Variants in SLC35F3 observed in about 807,000 individuals in gnomAD.
The protein encoded by SLC35F3 is putative thiamine transporter SLC35F3.
SLC35F3 carries 25 observed loss-of-function variants against 49.9 expected under a neutral mutation model. The observed-to-expected ratio is 0.50, with a 90% CI of 0.37 to 0.70. SLC35F3 has a LOEUF of 0.70. SLC35F3 is among the 30% of genes least tolerant of loss of function. The pLI is 0.00. For missense variants in SLC35F3, 525 were observed against 639.8 expected (o/e 0.82, Z 1.94); for synonymous variants, 275 against 265.4 (o/e 1.04, Z -0.35).
intron 2 of SLC35F3, among the ~76,000 whole-genome samples, chr1:233,983,109 T>C (rs1663212148): frequency 6.6e-6 from 1 of 152,192 alleles, no homozygotes; most frequent in Non-Finnish European, 1.5e-5. Flanking sequence ...GATAAGAAAG[T>C]GCACCAAGAA....
chr1:234,199,770 T>A (rs1666873525), intron 2 of SLC35F3, among the ~76,000 whole-genome samples: 1 of 150,696 alleles, frequency 6.6e-6, no homozygotes, highest in South Asian at 2.1e-4. Context: ...TACAAAAAAA[T>A]AAGTAACTCA....
chr1:234,309,497 A>G (rs1386436019), intron 4 of SLC35F3, among the ~76,000 whole-genome samples, 177 bp downstream of exon 4: 1 of 152,208 alleles, frequency 6.6e-6, no homozygotes, highest in African/African-American at 2.4e-5. Context: ...TGCCTTGCCA[A>G]CCTTCTTGCT....
chr1:234,234,894 G>T (rs1401376091), intron 3 of SLC35F3, among the ~76,000 whole-genome samples: 3 of 152,208 alleles, frequency 2.0e-5, no homozygotes, highest in Non-Finnish European at 4.4e-5. Context: ...ACTGTAACAT[G>T]CTGTGTAAAC....
At chr1:234,156,982 G>A (rs991611317) in intron 2 of SLC35F3, among the ~76,000 whole-genome samples, 6 of 152,084 alleles carry the variant, frequency 3.9e-5, no homozygotes, top group African/African-American at 1.4e-4. Flanking sequence ...GAGAGTGAAT[G>A]CTAACGGGTA....
intron 2 of SLC35F3, among the ~76,000 whole-genome samples, chr1:233,958,451 G>A (rs1202421460): frequency 6.6e-6 from 1 of 152,194 alleles, no homozygotes; most frequent in African/African-American, 2.4e-5. Flanking sequence ...GAATGAATGA[G>A]CTTATTTATA....
intron 3 of SLC35F3, among the ~76,000 whole-genome samples, chr1:234,242,060 C>G (rs1169772352): frequency 6.6e-6 from 1 of 152,232 alleles, no homozygotes; most frequent in Non-Finnish European, 1.5e-5. Flanking sequence ...TCCACATAAG[C>G]TTTGCTTGGC....
intron 2 of SLC35F3, among the ~76,000 whole-genome samples, chr1:234,029,986 A>G (rs1664035204): frequency 6.6e-6 from 1 of 152,184 alleles, no homozygotes; most frequent in Non-Finnish European, 1.5e-5. Flanking sequence ...GGCCAAAGAG[A>G]CGTTAGGTTC....
intron 2 of SLC35F3, among the ~76,000 whole-genome samples, chr1:233,948,228 GGAGAGAGAGAGAGAGA>G (rs150190453): frequency 3.7e-5 from 4 of 107,620 alleles, no homozygotes; most frequent in African/African-American, 1.5e-4. Flanking sequence ...AGGGAGAGAG[GGAGAGAGAGAGAGAGA>G]GAGAGAGAGA....
In SLC35F3 at chr1:234,100,511, T is replaced by C. The variant is rs189125561; in HGVS notation, c.284-130906T>C. Among the ~76,000 whole-genome samples the C allele has an allele frequency of 1.7e-3, 261 of 152,350 alleles. 1 individual carries two copies. The highest frequency in any genetic ancestry group is 3.1e-3 in the Non-Finnish European group (209 of 68,030). On this transcript the variant is annotated intron_variant, in intron 2 of 7. Transcript: ENST00000366618. ...AATCAAAAAAGTGTGATGAGCATTCTCCCTTAGAATTCCTGGGAGATTTTG... is the reference window on the plus strand; with the variant it reads ...AATCAAAAAAGTGTGATGAGCATTCCCCCTTAGAATTCCTGGGAGATTTTG...
intron 2 of SLC35F3, among the ~76,000 whole-genome samples, chr1:234,206,841 T>C (rs562060871): frequency 2.0e-5 from 3 of 152,228 alleles, no homozygotes; most frequent in South Asian, 4.1e-4. Context: ...GAGGACCTCA[T>C]TGAACAAGAC....
At chr1:234,247,814 C>CAGTTGGCTGGTCCATTGTTTG (rs1558272687) in intron 3 of SLC35F3, among the ~76,000 whole-genome samples, 1 of 129,154 alleles carries the variant, frequency 7.7e-6, no homozygotes, top group Admixed American at 7.6e-5. Flanking sequence ...TCCATTGTTT[C>CAGTTGGCTGGTCCATTGTTTG]ATGGGTCAGT....
At chr1:234,014,790 G>A (rs773285726) in intron 2 of SLC35F3, among the ~76,000 whole-genome samples, 19 of 152,042 alleles carry the variant, frequency 1.2e-4, no homozygotes, top group Non-Finnish European at 2.2e-4. Context: ...AGATCTGTAC[G>A]TTGAAAACTA....
intron 2 of SLC35F3, among the ~76,000 whole-genome samples, chr1:234,188,465 A>G (rs2102927544): frequency 6.6e-6 from 1 of 152,172 alleles, no homozygotes; most frequent in South Asian, 2.1e-4. Context: ...GACACAGCAC[A>G]GGCAGCCATA....
At chr1:234,136,987 G>A (rs1665821650) in intron 2 of SLC35F3, among the ~76,000 whole-genome samples, 2 of 152,182 alleles carry the variant, frequency 1.3e-5, no homozygotes, top group African/African-American at 4.8e-5. Context: ...ATTTATTGGG[G>A]CCCTACTGGA....
intron 2 of SLC35F3, among the ~76,000 whole-genome samples, chr1:233,971,154 CTG>C (rs1355324455): frequency 6.6e-6 from 1 of 152,208 alleles, no homozygotes; most frequent in African/African-American, 2.4e-5. Context: ...ATACATCTGA[CTG>C]GGGTGCACAC....
At chr1:234,300,815 A>T (rs1317055172) in intron 3 of SLC35F3, among the ~76,000 whole-genome samples, 2 of 152,224 alleles carry the variant, frequency 1.3e-5, no homozygotes, top group Non-Finnish European at 2.9e-5. Flanking sequence ...ATCAGATTGG[A>T]GGAGGGACAG....
chr1:234,103,107 G>A (rs1343175269), intron 2 of SLC35F3, among the ~76,000 whole-genome samples: 1 of 152,186 alleles, frequency 6.6e-6, no homozygotes, highest in Non-Finnish European at 1.5e-5. Context: ...AGGCAAAAAA[G>A]ACAATTGCAA....
chr1:234,127,732 C>A (rs1665670236), intron 2 of SLC35F3, among the ~76,000 whole-genome samples: 1 of 151,962 alleles, frequency 6.6e-6, no homozygotes, highest in African/African-American at 2.4e-5. Context: ...ATGAGATTTT[C>A]TTTGAAGGAA....
At chr1:234,013,025 G>T (rs1391104923) in intron 2 of SLC35F3, among the ~76,000 whole-genome samples, 4 of 152,242 alleles carry the variant, frequency 2.6e-5, no homozygotes. Context: ...AACAGCATCG[G>T]AATACTCATT....
Sources: allele counts gnomAD v4.1 joint callset (sites outside exome capture counted in the v4.1 genomes callset), GRCh38; gene constraint gnomAD v4.1.1; transcripts MANE v1.5; gene names NCBI Gene and HGNC (gene_info 2026-07-23, HGNC 2026-07-21).